Variants in CCDC88A observed in about 807,000 individuals in gnomAD.
CCDC88A encodes coiled-coil and HOOK domain protein 88A.
In CCDC88A, 54 loss-of-function variants were observed where a neutral mutation model predicts 234.3. The observed-to-expected ratio is 0.23, with a 90% CI of 0.19 to 0.29. The LOEUF is 0.29. Among genes scored for constraint, CCDC88A ranks in the 10% least tolerant of loss-of-function variants. The probability of loss-of-function intolerance (pLI) is 1.00; values close to 1 mark genes in which losing one functional copy is unlikely to be tolerated. For synonymous variants in CCDC88A, 753 were observed against 737.8 expected (o/e 1.02, Z -0.33); for missense variants, 1,832 against 2,123.4 (o/e 0.86, Z 2.70).
intron 5 of CCDC88A, among the ~76,000 whole-genome samples, chr2:55,371,980 CAATAT>C (rs1480291849): frequency 6.6e-6 from 1 of 152,078 alleles, no homozygotes; most frequent in Non-Finnish European, 1.5e-5. Flanking sequence ...GATCAAAGAG[CAATAT>C]AATAATAAAC....
intron 3 of CCDC88A, among the ~76,000 whole-genome samples, chr2:55,376,141 G>A (rs541173311): frequency 6.6e-6 from 1 of 152,226 alleles, no homozygotes; most frequent in South Asian, 2.1e-4. Context: ...TTGAAGAAAT[G>A]AAGAAATACA....
chr2:55,304,254 C>A (rs557780037), intron 25 of CCDC88A, among the ~76,000 whole-genome samples: 5 of 152,104 alleles, frequency 3.3e-5, no homozygotes, highest in African/African-American at 4.8e-5. Context: ...GCTATGATCA[C>A]GCCACTGCAC....
rs766821119 is a variant in CCDC88A at position 55,371,147 on chromosome 2, C to A, written c.402+1305G>T. Among the ~76,000 whole-genome samples, 40 of 152,162 alleles carry A rather than the reference C, an allele frequency of 2.6e-4. 1 individual carries two copies. Among genetic ancestry groups the A allele is most frequent in the Non-Finnish European group, 7.3e-5 (5 of 68,034 alleles). On this transcript the variant is annotated intron_variant, in intron 5 of 32. Coordinates refer to ENST00000436346, the MANE Select transcript of CCDC88A (RefSeq NM_001365480.1). ...TAAATTTACGCAACATTCACCAACA[C>A]AGGGTATTTTTTAAAGCAAATATAG...
chr2:55,309,623 A>T lies in CCDC88A; in HGVS notation c.4080-369T>A, dbSNP rs901723039. 1.3e-5 allele frequency among the ~76,000 whole-genome samples: 2 copies of T among 152,156 alleles called. No individual in the cohort carries two copies. The highest frequency in any genetic ancestry group is 4.8e-5 in the African/African-American group (2 of 41,430). On this transcript the variant is annotated intron_variant, in intron 23 of 32. Coordinates refer to ENST00000436346, the MANE Select transcript of CCDC88A (RefSeq NM_001365480.1). This position sits in a 1 kb window ranked among gnomAD's most constrained non-coding sequence, Gnocchi z 5.1. ...ACTTAGGTTTGATTTACTTGTAGAG[A>T]ACCATTTCCTGACTCCAGCAATGCA...
chr2:55,358,023 C>T (rs1014888372), intron 7 of CCDC88A, among the ~76,000 whole-genome samples: 2 of 152,144 alleles, frequency 1.3e-5, no homozygotes, highest in Non-Finnish European at 2.9e-5. Flanking sequence ...AACTCCTCCC[C>T]GCTTTTACTC....
At chr2:55,336,866 G>T in intron 13 of CCDC88A, 48 bp from the exon 14 acceptor site, 1 of 1,193,882 alleles carries the variant, frequency 8.4e-7, no homozygotes, top group Non-Finnish European at 1.2e-6. Flanking sequence ...TTCTGTAACA[G>T]TGAAAACATG....
chr2:55,393,960 TA>T (rs917980547), intron 2 of CCDC88A, among the ~76,000 whole-genome samples: 6 of 152,168 alleles, frequency 3.9e-5, no homozygotes, highest in African/African-American at 1.4e-4. Flanking sequence ...ATTTATTTCT[TA>T]TTTTTTTTAT....
intron 2 of CCDC88A, among the ~76,000 whole-genome samples, chr2:55,392,132 C>T (rs187927809): frequency 6.6e-6 from 1 of 152,280 alleles, no homozygotes; most frequent in Admixed American, 6.5e-5. Flanking sequence ...CTTCTCAATG[C>T]ATCCTATTAA....
chr2:55,389,577 T>A (rs1268568918), intron 2 of CCDC88A, among the ~76,000 whole-genome samples: 1 of 152,190 alleles, frequency 6.6e-6, no homozygotes, highest in Non-Finnish European at 1.5e-5. Context: ...CACAGTCCAT[T>A]GCATTCCTAA....
In CCDC88A at chr2:55,309,448, A is replaced by AT. The variant is rs150783848; in HGVS notation, c.4080-195dup. Among the ~76,000 whole-genome samples, 7,179 of 151,174 alleles carry AT rather than the reference A, an allele frequency of 0.047. 248 individuals carry two copies. The highest frequency in any genetic ancestry group is 0.066 in the Non-Finnish European group (4,499 of 67,746). On this transcript the variant is annotated intron_variant, in intron 23 of 32. Coordinates refer to ENST00000436346, the MANE Select transcript of CCDC88A (RefSeq NM_001365480.1). This position sits in a 1 kb window ranked among gnomAD's most constrained non-coding sequence, Gnocchi z 5.1. ...TGTTTCTCCTTTTTTAAAAATTTAC[A>AT]TTTTTTTTTCCTTTTTGGAAGAAAG...
rs1421227501 is a variant in CCDC88A at position 55,322,539 on chromosome 2, C to T, written c.3151G>A (p.Val1051Ile). 3.2e-6 allele frequency: 5 copies of T among 1,580,266 alleles called. No individual in the cohort carries two copies. The highest frequency in any genetic ancestry group is 1.8e-5 in the Admixed American group (1 of 55,482). The change falls in exon 18 of 33, where the codon GTA becomes ATA. Residue 1051 changes from valine (V) to isoleucine (I), a missense_variant. Val to Ile is a conservative substitution (Grantham distance 29). Around this residue, in one of 6 missense-constraint regions of CCDC88A, gnomAD observed 1,282 missense variants for 1,543.6 expected, o/e 0.83. Coordinates refer to ENST00000436346, the MANE Select transcript of CCDC88A (RefSeq NM_001365480.1). ...LLKVKDRLIE[V>I]ERNNATLQAE... ...TTAAAAATACTTACATTTCTTTCTACTTCAATTAATCTGTCTTTAACTTTC... is the reference window on the plus strand; with the variant it reads ...TTAAAAATACTTACATTTCTTTCTATTTCAATTAATCTGTCTTTAACTTTC...
intron 29 of CCDC88A, among the ~76,000 whole-genome samples, chr2:55,297,415 TA>T (rs1680322013): frequency 2.5e-5 from 1 of 40,264 alleles, no homozygotes; most frequent in Middle Eastern, 0.016. Context: ...CATATGTGTG[TA>T]TTTTTTTTTT....
chr2:55,388,697 T>A, intron 3 of CCDC88A, 81 bp downstream of exon 3: 1 of 639,124 alleles, frequency 1.6e-6, no homozygotes, highest in South Asian at 1.9e-5. Context: ...AGCGTTTAAA[T>A]ATTTGTGAGA....
chr2:55,298,157 C>G (rs949496960), intron 29 of CCDC88A, among the ~76,000 whole-genome samples: 2 of 152,066 alleles, frequency 1.3e-5, no homozygotes, highest in Non-Finnish European at 2.9e-5. Context: ...CACGAACAAA[C>G]TGTACATCAA....
chr2:55,340,007 A>T (rs1244760722), intron 12 of CCDC88A: 1 of 157,938 alleles, frequency 6.3e-6, no homozygotes, highest in African/African-American at 2.4e-5. Flanking sequence ...TTTTTTAGTA[A>T]AGACTGGGTC....
intron 2 of CCDC88A, chr2:55,397,148 T>C (rs1677745136): frequency 6.6e-6 from 1 of 152,106 alleles, no homozygotes; most frequent in Non-Finnish European, 1.5e-5. Context: ...TGGAGCGCTG[T>C]GGCATGATCT....
At chr2:55,298,868 C>G (rs1290971309) in intron 29 of CCDC88A, among the ~76,000 whole-genome samples, 1 of 92,010 alleles carries the variant, frequency 1.1e-5, no homozygotes, top group Non-Finnish European at 2.3e-5. Flanking sequence ...AGCGAGAACC[C>G]GTCTCAAAAA....
At chr2:55,302,112 T>C in intron 26 of CCDC88A, 40 bp from the exon 27 acceptor site, 1 of 1,495,068 alleles carries the variant, frequency 6.7e-7, no homozygotes, top group Non-Finnish European at 9.3e-7. Context: ...GCATGGTTAA[T>C]GTATTTGTTC....
chr2:55,411,122 C>T (rs1026450519), intron 2 of CCDC88A, among the ~76,000 whole-genome samples: 9 of 152,066 alleles, frequency 5.9e-5, no homozygotes, highest in African/African-American at 2.2e-4. Flanking sequence ...AAGTATTATA[C>T]AGATGTCCCA....
Sources: gnomAD v4.1 joint callset for allele counts (sites outside exome capture counted in the v4.1 genomes callset) on GRCh38, gnomAD v4.1.1 for gene constraint, gnomAD v4.1.1 regional missense constraint, Gnocchi (gnomAD v3.1) non-coding constraint, MANE v1.5 for transcripts, NCBI Gene and HGNC (gene_info 2026-07-23, HGNC 2026-07-21) for gene names.